GRIP1: variants seen among roughly 807,000 people sequenced by gnomAD.
The protein encoded by GRIP1 is glutamate receptor-interacting protein 1.
Under a neutral mutation model 129.9 loss-of-function variants are expected in GRIP1, and 45 were observed. The ratio of observed to expected loss-of-function variants is 0.35; its 90% CI spans 0.27 to 0.44. The LOEUF is 0.44. Ranked by LOEUF, GRIP1 falls within the 20% of genes least tolerant of loss-of-function variation. The probability of loss-of-function intolerance (pLI) is 1.00; values close to 1 mark genes in which losing one functional copy is unlikely to be tolerated. For missense variants in GRIP1, 1,196 were observed against 1,396.8 expected (o/e 0.86, Z 2.29); for synonymous variants, 530 against 520.8 (o/e 1.02, Z -0.24).
intron 1 of GRIP1, among the ~76,000 whole-genome samples, chr12:66,702,384 C>A (rs897559942): frequency 4.6e-5 from 7 of 152,108 alleles, no homozygotes; most frequent in Admixed American, 2.6e-4. Context: ...ATGCTAAATT[C>A]TCTGCTTTTG....
At chr12:66,371,533 A>G (rs2055495608) in intron 23 of GRIP1, among the ~76,000 whole-genome samples, 161 bp downstream of exon 23, 1 of 152,116 alleles carries the variant, frequency 6.6e-6, no homozygotes, top group Non-Finnish European at 1.5e-5. Context: ...CCTCCCAGAG[A>G]TTGTATTTTG....
At chr12:66,738,857 G>T (rs545442022) in intron 1 of GRIP1, among the ~76,000 whole-genome samples, 1 of 152,302 alleles carries the variant, frequency 6.6e-6, no homozygotes, top group South Asian at 2.1e-4. Flanking sequence ...TCTGTTTCCA[G>T]AATGGAAGCT....
At chr12:66,427,317 G>A (rs1415309588) in intron 14 of GRIP1, among the ~76,000 whole-genome samples, 1 of 151,956 alleles carries the variant, frequency 6.6e-6, no homozygotes, top group Non-Finnish European at 1.5e-5. Flanking sequence ...GGAGTGTAGG[G>A]TGGGAGAAGA....
intron 11 of GRIP1, among the ~76,000 whole-genome samples, chr12:66,453,270 A>G (rs1007753455): frequency 6.6e-6 from 1 of 152,226 alleles, no homozygotes; most frequent in Admixed American, 6.5e-5. Context: ...AGCAAGTCTT[A>G]CCTAACACAA....
intron 1 of GRIP1, among the ~76,000 whole-genome samples, chr12:66,765,463 G>T (rs368620932): frequency 6.6e-6 from 1 of 152,176 alleles, no homozygotes; most frequent in African/African-American, 2.4e-5. Flanking sequence ...AGTGAAACAG[G>T]AAATGTCATA....
chr12:66,648,425 G>A (rs1390851570), intron 1 of GRIP1, among the ~76,000 whole-genome samples: 1 of 152,146 alleles, frequency 6.6e-6, no homozygotes, highest in Non-Finnish European at 1.5e-5. Context: ...ACAAAATAAG[G>A]AATGGATGGG....
intron 1 of GRIP1, among the ~76,000 whole-genome samples, chr12:66,601,618 T>C (rs112070452): frequency 1.3e-5 from 2 of 152,272 alleles, no homozygotes; most frequent in African/African-American, 4.8e-5. Flanking sequence ...TTATGCACAA[T>C]TGAGGCACCT....
chr12:66,705,609 G>A (rs956717794), intron 1 of GRIP1, among the ~76,000 whole-genome samples: 10 of 152,042 alleles, frequency 6.6e-5, no homozygotes, highest in African/African-American at 2.4e-4. Context: ...ACAATCCTAA[G>A]CAAAAAGAAC....
intron 13 of GRIP1, among the ~76,000 whole-genome samples, chr12:66,433,398 T>G (rs1431000155): frequency 6.6e-6 from 1 of 152,132 alleles, no homozygotes; most frequent in Non-Finnish European, 1.5e-5. Context: ...TTCTGTATAA[T>G]GAGGAGCTTT....
intron 1 of GRIP1, among the ~76,000 whole-genome samples, chr12:66,620,708 T>G (rs1247094960): frequency 6.6e-6 from 1 of 151,908 alleles, no homozygotes; most frequent in East Asian, 1.9e-4. Flanking sequence ...CTTCCTGCCT[T>G]CCTTCCTTCC....
upstream of GRIP1, among the ~76,000 whole-genome samples, chr12:66,805,487 T>C (rs1005533950): frequency 2.0e-5 from 3 of 152,184 alleles, no homozygotes; most frequent in Admixed American, 2.0e-4. Context: ...TAATCAAGCA[T>C]GTCAGCATAT....
At chr12:66,649,318 G>C (rs1012688571) in intron 1 of GRIP1, among the ~76,000 whole-genome samples, 1 of 152,188 alleles carries the variant, frequency 6.6e-6, no homozygotes, top group African/African-American at 2.4e-5. Context: ...AGAGGGACTA[G>C]AGAAAGCCAT....
chr12:66,673,808 G>A (rs1463473147), intron 1 of GRIP1, among the ~76,000 whole-genome samples: 1 of 152,128 alleles, frequency 6.6e-6, no homozygotes, highest in Non-Finnish European at 1.5e-5. Flanking sequence ...TTCAAGTGGG[G>A]TCTCTCTATT....
intron 2 of GRIP1, among the ~76,000 whole-genome samples, chr12:66,544,486 G>A (rs948863199): frequency 1.3e-5 from 2 of 152,130 alleles, no homozygotes; most frequent in Admixed American, 1.3e-4. Flanking sequence ...AGGCAACAAC[G>A]TAGAGCGAAG....
At chr12:66,783,131 A>G (rs935874132) in intron 1 of GRIP1, among the ~76,000 whole-genome samples, 1 of 152,088 alleles carries the variant, frequency 6.6e-6, no homozygotes, top group Non-Finnish European at 1.5e-5. Context: ...CCCGGGTTCA[A>G]GCAATTCTTA....
intron 11 of GRIP1, among the ~76,000 whole-genome samples, chr12:66,452,343 G>C (rs891853230): frequency 6.6e-6 from 1 of 152,192 alleles, no homozygotes; most frequent in African/African-American, 2.4e-5. Flanking sequence ...AATGCCTCCA[G>C]GGCTTTGTGA....
chr12:66,600,547 T>C (rs1018544372), intron 1 of GRIP1, among the ~76,000 whole-genome samples: 1 of 152,230 alleles, frequency 6.6e-6, no homozygotes, highest in Non-Finnish European at 1.5e-5. Context: ...TATTCCCTCC[T>C]ACTTCTGCTT....
At chr12:66,659,846 A>G (rs945109638) in intron 1 of GRIP1, among the ~76,000 whole-genome samples, 4 of 152,162 alleles carry the variant, frequency 2.6e-5, no homozygotes, top group Admixed American at 2.6e-4. Context: ...TCTCTAGTGG[A>G]AAAGAAAAAG....
At chr12:66,757,935 T>C (rs1437390590) in intron 1 of GRIP1, among the ~76,000 whole-genome samples, 2 of 152,120 alleles carry the variant, frequency 1.3e-5, no homozygotes, top group Non-Finnish European at 2.9e-5. Flanking sequence ...TTCTATGAAA[T>C]GAAAAGCCTC....
Sources: allele counts gnomAD v4.1 joint callset (sites outside exome capture counted in the v4.1 genomes callset), GRCh38; gene constraint gnomAD v4.1.1; transcripts MANE v1.5; gene names NCBI Gene and HGNC (gene_info 2026-07-23, HGNC 2026-07-21).